Variants in BCL9L observed in about 807,000 individuals in gnomAD.
BCL9L encodes BCL9 like.
A neutral mutation model predicts 99.4 loss-of-function variants in BCL9L; 19 were observed. That is an observed-to-expected ratio of 0.19 (90% CI 0.13 to 0.28). BCL9L has a LOEUF of 0.28. Ranked by LOEUF, BCL9L falls within the 10% of genes least tolerant of loss-of-function variation. BCL9L has a pLI of 1.00. For missense variants in BCL9L, 2,023 were observed against 2,101.6 expected (o/e 0.96, Z 0.73); for synonymous variants, 900 against 854.8 (o/e 1.05, Z -0.92).
In BCL9L at chr11:118,897,437, G is replaced by A. The variant is rs901774398; in HGVS notation, c.*978C>T. 4 of 203,830 alleles carry A rather than the reference G, an allele frequency of 2.0e-5. No homozygotes were observed. Among genetic ancestry groups the A allele is most frequent in the Non-Finnish European group, 4.1e-5 (4 of 97,576 alleles). 12.6% of individuals were successfully genotyped at this position (203,830 alleles called of 1,614,324 possible). On this transcript the variant is annotated 3_prime_UTR_variant, in exon 10 of 10. Coordinates refer to ENST00000683865, the MANE Select transcript of BCL9L (RefSeq NM_001378213.1). Reference sequence around the variant, plus strand: ...CCGGGCATCCAAAGTGGAAAGCCAGGGCCCCGTGTCACCGGTGTGGGCAAA... The same window carrying A: ...CCGGGCATCCAAAGTGGAAAGCCAGAGCCCCGTGTCACCGGTGTGGGCAAA...
chr11:118,922,962 GACAGAAC>G lies in BCL9L; in HGVS notation c.-131+2269_-131+2275del, dbSNP rs1941183439. Among the ~76,000 whole-genome samples, 14 of 152,134 alleles carry G rather than the reference GACAGAAC, an allele frequency of 9.2e-5. No homozygotes were observed. In the South Asian group the frequency reaches 2.9e-3, roughly 32 times the overall value. On this transcript the variant is annotated intron_variant, in intron 1 of 9. Coordinates refer to ENST00000683865, the MANE Select transcript of BCL9L (RefSeq NM_001378213.1). The surrounding 1 kb of genome is among the most constrained non-coding windows in gnomAD (Gnocchi z 6.2). ...CTCCAGAGCTGTCCCAGGGTCCTGG[GACAGAAC>G]TTCAGCGTGTGGTACCAGAGGCAGT...
intron 3 of BCL9L, 39 bp from the exon 4 acceptor site, chr11:118,908,694 C>T (rs746634365): frequency 6.4e-7 from 1 of 1,562,432 alleles, no homozygotes; most frequent in South Asian, 1.2e-5. Flanking sequence ...GTTAACCTTG[C>T]TAGGGGCTAG....
chr11:118,904,111 A>C (rs1339979591), intron 5 of BCL9L, among the ~76,000 whole-genome samples: 1 of 152,218 alleles, frequency 6.6e-6, no homozygotes, highest in African/African-American at 2.4e-5. Context: ...TTTAACAGTA[A>C]GTTTAAATCA....
At position 118,909,910 on chromosome 11, in the gene BCL9L, A is replaced by G; in HGVS notation, c.26+4T>C. The G allele has an allele frequency of 6.2e-7, 1 of 1,613,646 alleles. No homozygotes were observed. Among genetic ancestry groups the G allele is most frequent in the Non-Finnish European group, 8.5e-7 (1 of 1,179,840 alleles). ...ACATCCCACCCGCCACGACACCCAC[A>G]CACCTTGTCTTGTTAGCCAGGATCC... On this transcript the variant is annotated splice_donor_region_variant and intron_variant, in intron 3 of 9. Coordinates refer to ENST00000683865, the MANE Select transcript of BCL9L (RefSeq NM_001378213.1).
Position 118,901,061 on chromosome 11 carries a change from AG to A in BCL9L, c.2681del (p.Pro894LeufsTer17). 6.3e-7 allele frequency: 1 copy of A among 1,599,690 alleles called. No individual in the cohort carries two copies. The highest frequency in any genetic ancestry group is 1.1e-5 in the South Asian group (1 of 88,412). ...TTRLSHMPLP[P>X]ASNPPGTVHS... Reference sequence around the variant, plus strand: ...GCACGGTCCCAGGAGGATTGGACGCAGGGGGCAGAGGCATGTGGCTGAGCCG... The same window carrying A: ...GCACGGTCCCAGGAGGATTGGACGCAGGGGCAGAGGCATGTGGCTGAGCCG... On this transcript the variant is annotated frameshift_variant, in exon 8 of 10. Transcript: ENST00000683865. LOFTEE classifies it high-confidence loss of function. This position sits in a 1 kb window ranked among gnomAD's most constrained non-coding sequence, Gnocchi z 6.6.
In BCL9L at chr11:118,900,943, ACTT is replaced by A; in HGVS notation, c.2797_2799del (p.Lys933del). The A allele has an allele frequency of 1.3e-6, 2 of 1,556,944 alleles. No individual in the cohort carries two copies. The highest frequency in any genetic ancestry group is 1.7e-6 in the Non-Finnish European group (2 of 1,148,804). On this transcript the variant is annotated inframe_deletion, in exon 8 of 10. Transcript: ENST00000683865. This position sits in a 1 kb window ranked among gnomAD's most constrained non-coding sequence, Gnocchi z 5.3. ...GAGTGCACCTGGCTAAGGGTGGGCG[ACTT>A]CAAGTGCCCCATGCCCGGTGAGCCC...
chr11:118,901,614 C>G lies in BCL9L; in HGVS notation c.2129G>C (p.Arg710Pro). ...CATCTGTCGGTGCGCCTGCATCATC[C>G]GCTCCATCTCCATGCTCTGTCCCAT... ...SGMGQSMEME[R>P]MMQAHRQMDP... Residue 710 changes from arginine to proline, a missense_variant, in exon 8 of 10, where the codon CGG becomes CCG. Physicochemically the swap from Arg to Pro is moderately radical, Grantham distance 103 (BLOSUM62 -2). Around this residue, in one of 3 missense-constraint regions of BCL9L, gnomAD observed 1,116 missense variants for 1,194.6 expected, o/e 0.93. Coordinates refer to ENST00000683865, the MANE Select transcript of BCL9L (RefSeq NM_001378213.1). The surrounding 1 kb of genome is among the most constrained non-coding windows in gnomAD (Gnocchi z 6.6). The G allele has an allele frequency of 6.2e-7, 1 of 1,614,028 alleles. No individual in the cohort carries two copies. Among genetic ancestry groups the G allele is most frequent in the Non-Finnish European group, 8.5e-7 (1 of 1,180,032 alleles).
chr11:118,924,406 G>A (rs1221353876), intron 1 of BCL9L, among the ~76,000 whole-genome samples: 1 of 151,832 alleles, frequency 6.6e-6, no homozygotes, highest in East Asian at 1.9e-4. Context: ...AAACCCGGAA[G>A]GAAGGAAGCT....
rs60438512 is a variant in BCL9L, at chr11:118,914,621, A to AG, written c.-77+4204dup. On this transcript the variant is annotated intron_variant, in intron 2 of 9. Coordinates refer to ENST00000683865, the MANE Select transcript of BCL9L (RefSeq NM_001378213.1). The surrounding 1 kb of genome is among the most constrained non-coding windows in gnomAD (Gnocchi z 4.4). ...CAGGATGTATGCCTGTGACCTCTGC[A>AG]GGGAGACAGAAGGCCACACGGGGTT... is the stretch of plus-strand genomic sequence containing the variant. Among the ~76,000 whole-genome samples, 152,286 of 152,288 alleles carry AG rather than the reference A, an allele frequency of 1. 76,142 individuals are homozygous for AG. Among genetic ancestry groups the AG allele is most frequent in the Middle Eastern group, 1 (294 of 294 alleles).
Position 118,897,537 on chromosome 11 carries a change from C to A in BCL9L, c.*878G>T. On this transcript the variant is annotated 3_prime_UTR_variant, in exon 10 of 10. Transcript: ENST00000683865. ...AGGCTGCCGCCCTGGGGGTCTCAGC[C>A]CTGCTAGGGCTCACCAGGTGGAAGC... 2 of 340,950 alleles carry A rather than the reference C, an allele frequency of 5.9e-6. No homozygotes were observed. Among genetic ancestry groups the A allele is most frequent in the Non-Finnish European group, 1.1e-5 (2 of 174,284 alleles). The allele number at this position is 340,950 out of a possible 1,614,324, so 21.1% of individuals were successfully genotyped here. A position where few individuals can be genotyped will look rare whatever the true frequency, so the allele number is the denominator to read the frequency against.
rs946319843 is a variant in BCL9L at position 118,897,103 on chromosome 11, C to T, written c.*1312G>A. The T allele has an allele frequency of 2.0e-5, 3 of 153,770 alleles. No individual in the cohort carries two copies. Among genetic ancestry groups the T allele is most frequent in the South Asian group, 4.1e-4 (2 of 4,880 alleles). The allele number at this position is 153,770 out of a possible 1,614,324, so 9.5% of individuals were successfully genotyped here. A position where few individuals can be genotyped will look rare whatever the true frequency, so the allele number is the denominator to read the frequency against. ...GGTGAGTGGGCAGGCAGAGAGGAGG[C>T]GGCAGGATGCTGTTTCCCCGATTCC... is the stretch of plus-strand genomic sequence containing the variant. On this transcript the variant is annotated 3_prime_UTR_variant, in exon 10 of 10. Coordinates refer to ENST00000683865, the MANE Select transcript of BCL9L (RefSeq NM_001378213.1).
Position 118,903,391 on chromosome 11 carries a change from T to G in BCL9L, c.594A>C (p.Gln198His), listed in dbSNP as rs1485060664. The G allele has an allele frequency of 6.2e-7, 1 of 1,611,886 alleles. No individual in the cohort carries two copies. The highest frequency in any genetic ancestry group is 2.2e-5 in the East Asian group (1 of 44,828). The change falls in exon 6 of 10, where the codon CAA (glutamine) becomes CAC (histidine). Residue 198 changes from glutamine to histidine, a missense_variant. Physicochemically the swap from Gln to His is conservative, Grantham distance 24 (BLOSUM62 0). Transcript: ENST00000683865. This position sits in a 1 kb window ranked among gnomAD's most constrained non-coding sequence, Gnocchi z 5.6. ...GCACGCTGCTCTCGCTGAGGGGCAG[T>G]TGGGTGGTTTGGCCGGGACCCAGCT... The part of the protein sequence containing the change: ...APQLGPGQTT[Q>H]LPLSESSVPG...
rs1179487728 is a variant in BCL9L, at chr11:118,922,173, G to C, written c.-131+3065C>G. On this transcript the variant is annotated intron_variant, in intron 1 of 9. Coordinates refer to ENST00000683865, the MANE Select transcript of BCL9L (RefSeq NM_001378213.1). The surrounding 1 kb of genome is among the most constrained non-coding windows in gnomAD (Gnocchi z 6.2). ...CAGGAGGGGAGGGAGGGGAGGTCAG[G>C]CCAGGCTGGGGGTGGGGCTCAGAGG... Among the ~76,000 whole-genome samples the C allele has an allele frequency of 2.0e-5, 3 of 152,062 alleles. No homozygotes were observed. Among genetic ancestry groups the C allele is most frequent in the African/African-American group, 7.2e-5 (3 of 41,414 alleles).
At position 118,908,553 on chromosome 11, in the gene BCL9L, T is replaced by C; in HGVS notation, c.129A>G (p.Lys43=). 1 of 1,614,134 alleles carries C rather than the reference T, an allele frequency of 6.2e-7. No homozygotes were observed. Among genetic ancestry groups the C allele is most frequent in the Non-Finnish European group, 8.5e-7 (1 of 1,180,002 alleles). Residue 43 remains lysine, a synonymous_variant, in exon 4 of 10, where the codon AAA becomes AAG. Transcript: ENST00000683865. ...TCCCTGTCTTGCCATGATTGGTCAA[T>C]TTATTTTCTGGGTGCATTGGCTTGG... ...APAKPMHPEN[K]LTNHGKTGNG...
chr11:118,904,337 G>T (rs1940418054), intron 5 of BCL9L, among the ~76,000 whole-genome samples: 1 of 152,136 alleles, frequency 6.6e-6, no homozygotes, highest in Non-Finnish European at 1.5e-5. Context: ...CTACTCAGGA[G>T]GCTGAGACAT....
rs773512354 is a variant in BCL9L at position 118,907,593 on chromosome 11, G to A, written c.422C>T (p.Pro141Leu). 17 of 1,612,906 alleles carry A rather than the reference G, an allele frequency of 1.1e-5. No individual in the cohort carries two copies. The highest frequency in any genetic ancestry group is 1.3e-5 in the African/African-American group (1 of 74,938). The change falls in exon 5 of 10, where the codon CCG (proline) becomes CTG (leucine). Residue 141 changes from proline to leucine, a missense_variant. Pro to Leu is a moderately conservative substitution (Grantham distance 98). Transcript: ENST00000683865. Reference protein sequence around the residue: ...SLDSEAKEVAPRSKRRCVLER... With the variant: ...SLDSEAKEVALRSKRRCVLER... The stretch of plus-strand genomic sequence containing the variant: ...CAGCACACAGCGCCGCTTACTCCGC[G>A]GCGCCACCTCTGCCCAGGCAGGACG...
Position 118,900,803 on chromosome 11 carries a change from G to A in BCL9L, c.2940C>T (p.Gly980=), listed in dbSNP as rs1940190410. The A allele has an allele frequency of 6.2e-7, 1 of 1,613,834 alleles. No individual in the cohort carries two copies. The highest frequency in any genetic ancestry group is 1.3e-5 in the African/African-American group (1 of 74,926). The change falls in exon 8 of 10, where the codon GGC becomes GGT. Residue 980 remains glycine (G), a synonymous_variant. Transcript: ENST00000683865. The surrounding 1 kb of genome is among the most constrained non-coding windows in gnomAD (Gnocchi z 5.3). ...PGPLKSPQVL[G]SSLSVRSPTG... is the part of the protein sequence containing the mutation. ...TGGGTGAACGGACACTGAGGGAGGA[G>A]CCGAGGACCTGGGGCGACTTGAGAG...
rs1941251750 is a variant in BCL9L, at chr11:118,925,359, C to G, written c.-252G>C. 6.6e-6 allele frequency: 1 copy of G among 152,244 alleles called. No homozygotes were observed. Among genetic ancestry groups the G allele is most frequent in the South Asian group, 2.1e-4 (1 of 4,828 alleles). The allele number at this position is 152,244 out of a possible 1,614,324, so 9.4% of individuals were successfully genotyped here. A position where few individuals can be genotyped will look rare whatever the true frequency, so the allele number is the denominator to read the frequency against. On this transcript the variant is annotated 5_prime_UTR_variant, in exon 1 of 10. Transcript: ENST00000683865. The surrounding 1 kb of genome is among the most constrained non-coding windows in gnomAD (Gnocchi z 6.4). ...TGGAGATGCAGAGGGGGCGGGCAGG[C>G]GGTGATCTTTTGATCCTGGACGCCT...
chr11:118,906,880 GA>G (rs1047421998), intron 5 of BCL9L, among the ~76,000 whole-genome samples: 1 of 151,920 alleles, frequency 6.6e-6, no homozygotes, highest in African/African-American at 2.4e-5. Context: ...AACTTTGAGG[GA>G]AAAAAAATAT....
Sources: gnomAD v4.1 joint callset for allele counts (sites outside exome capture counted in the v4.1 genomes callset) on GRCh38, gnomAD v4.1.1 for gene constraint, gnomAD v4.1.1 regional missense constraint, Gnocchi (gnomAD v3.1) non-coding constraint, MANE v1.5 for transcripts, NCBI Gene and HGNC (gene_info 2026-07-23, HGNC 2026-07-21) for gene names.